The following VPS13B variants were observed in gnomAD, a reference collection of about 807,000 sequenced individuals.
The protein encoded by VPS13B is vacuolar protein sorting 13 homolog B.
Under a neutral mutation model 426.4 loss-of-function variants are expected in VPS13B, and 285 were observed. That is an observed-to-expected ratio of 0.67 (90% confidence interval 0.61 to 0.74). VPS13B has a LOEUF of 0.74. VPS13B is among the 30% of genes least tolerant of loss of function. VPS13B has a pLI of 0.00. For synonymous variants in VPS13B, 1,676 were observed against 1,676.4 expected (o/e 1.00, Z 0.01); for missense variants, 4,537 against 4,782.6 (o/e 0.95, Z 1.51).
intron 2 of VPS13B, among the ~76,000 whole-genome samples, chr8:99,034,819 C>T (rs989240951): frequency 2.6e-5 from 4 of 152,078 alleles, no homozygotes; most frequent in African/African-American, 9.7e-5. Context: ...ATTTGCCGAG[C>T]TCCTCATTCA....
intron 36 of VPS13B, among the ~76,000 whole-genome samples, chr8:99,712,064 T>C (rs1309196406): frequency 1.3e-5 from 2 of 152,322 alleles, no homozygotes; most frequent in Non-Finnish European, 2.9e-5. Context: ...AAGGGGAGAA[T>C]AGAAAACTGA....
intron 60 of VPS13B, chr8:99,871,185 CTAAT>C: frequency 1.6e-6 from 1 of 612,236 alleles, no homozygotes; most frequent in Non-Finnish European, 2.8e-6. Context: ...AACCAGCACT[CTAAT>C]TAGAGGTGCT....
chr8:99,187,433 A>G (rs893674291), intron 16 of VPS13B, among the ~76,000 whole-genome samples: 7 of 152,114 alleles, frequency 4.6e-5, no homozygotes, highest in East Asian at 1.9e-4. Context: ...TTATCCTTCT[A>G]TTTCTTTTGA....
intron 3 of VPS13B, among the ~76,000 whole-genome samples, chr8:99,054,839 TG>T (rs1843747283): frequency 6.6e-6 from 1 of 152,198 alleles, no homozygotes; most frequent in South Asian, 2.1e-4. Flanking sequence ...GTCTTTTCTT[TG>T]CCCACTGAAT....
Position 99,832,544 on chromosome 8 carries a change from C to T in VPS13B, c.9506C>T (p.Ala3169Val). The part of the protein sequence containing the change: ...IMLGFSPAPG[A>V]DSSQCWSLPA... Reference sequence around the variant, plus strand: ...CTGGGCTTTTCTCCTGCCCCAGGTGCTGACAGCTCACAGTGCTGGAGCCTG... The same window carrying T: ...CTGGGCTTTTCTCCTGCCCCAGGTGTTGACAGCTCACAGTGCTGGAGCCTG... The change falls in exon 52 of 62, where the codon GCT becomes GTT. Residue 3169 changes from alanine (A) to valine (V), a missense_variant. By Grantham distance (64) the Ala-to-Val change is moderately conservative. Around this residue, in one of 2 missense-constraint regions of VPS13B, gnomAD observed 4,311 missense variants for 4,474.3 expected, o/e 0.96. Coordinates refer to ENST00000357162, the MANE Select transcript of VPS13B (RefSeq NM_152564.5). 4.3e-6 allele frequency: 7 copies of T among 1,613,840 alleles called. No homozygotes were observed. Among genetic ancestry groups the T allele is most frequent in the Non-Finnish European group, 5.9e-6 (7 of 1,179,982 alleles).
chr8:99,111,797 C>T (rs1424145853), intron 6 of VPS13B, among the ~76,000 whole-genome samples: 3 of 151,988 alleles, frequency 2.0e-5, no homozygotes, highest in Non-Finnish European at 4.4e-5. Flanking sequence ...CAGGACATGT[C>T]TTTTTATTTT....
chr8:99,789,434 G>C (rs958587758), intron 43 of VPS13B, among the ~76,000 whole-genome samples: 3 of 152,072 alleles, frequency 2.0e-5, no homozygotes, highest in Non-Finnish European at 4.4e-5. Context: ...TGTTTAGAAA[G>C]GGCAAATGAA....
In VPS13B at chr8:99,313,543, G is replaced by A. The variant is rs189295648; in HGVS notation, c.2824+38289G>A. Among the ~76,000 whole-genome samples the A allele has an allele frequency of 5.5e-3, 837 of 152,234 alleles. 6 individuals are homozygous for A. The highest frequency in any genetic ancestry group is 6.5e-3 in the Non-Finnish European group (445 of 68,026). ...TTCCTCTGGAAGCTTCGTCTCAGAG[G>A]GGTAGCCGGCCCTGTGAGGTGTCAG... On this transcript the variant is annotated intron_variant, in intron 19 of 61. Coordinates refer to ENST00000357162, the MANE Select transcript of VPS13B (RefSeq NM_152564.5).
chr8:99,773,172 C>T (rs899838890), intron 40 of VPS13B, among the ~76,000 whole-genome samples: 3 of 152,120 alleles, frequency 2.0e-5, no homozygotes, highest in African/African-American at 7.2e-5. Flanking sequence ...TTACTGTACT[C>T]ATTTTATAAA....
In VPS13B at chr8:99,213,130, C is replaced by T. The variant is rs549490641; in HGVS notation, c.2515+20073C>T. On this transcript the variant is annotated intron_variant, in intron 17 of 61. Transcript: ENST00000357162. ...ACCCTGTTTTCAAAGCTCTTTAATTCTAGCTGGGTAATATGGCGTGTGTTT... is the reference window on the plus strand; with the variant it reads ...ACCCTGTTTTCAAAGCTCTTTAATTTTAGCTGGGTAATATGGCGTGTGTTT... Among the ~76,000 whole-genome samples, 15 of 152,200 alleles carry T rather than the reference C, an allele frequency of 9.9e-5. No individual in the cohort carries two copies. The South Asian group carries it at 1.2e-3, about 13-fold the overall frequency.
chr8:99,063,485 G>A (rs1844310177), intron 3 of VPS13B, among the ~76,000 whole-genome samples: 1 of 152,242 alleles, frequency 6.6e-6, no homozygotes, highest in African/African-American at 2.4e-5. Context: ...AGCAGTCTGA[G>A]ATCGACCTGC....
chr8:99,827,793 C>T (rs1814784947), intron 51 of VPS13B, among the ~76,000 whole-genome samples: 1 of 152,006 alleles, frequency 6.6e-6, no homozygotes, highest in African/African-American at 2.4e-5. Flanking sequence ...TCTTTTTTCT[C>T]ATTGGTTTCA....
At chr8:99,511,029 C>A in intron 28 of VPS13B, 75 bp from the exon 29 acceptor site, 1 of 1,530,390 alleles carries the variant, frequency 6.5e-7, no homozygotes, top group South Asian at 1.1e-5. Flanking sequence ...TCACTGAGGT[C>A]ATTTTCTTCT....
At chr8:99,121,976 C>A (rs1334900307) in intron 8 of VPS13B, among the ~76,000 whole-genome samples, 1 of 150,916 alleles carries the variant, frequency 6.6e-6, no homozygotes, top group East Asian at 1.9e-4. Context: ...TTCAGCCTCC[C>A]GAGCAGCTGG....
chr8:99,056,058 G>C (rs1229393111), intron 3 of VPS13B, among the ~76,000 whole-genome samples: 1 of 151,300 alleles, frequency 6.6e-6, no homozygotes, highest in Non-Finnish European at 1.5e-5. Context: ...GATCTTTTTT[G>C]TTTGTTTGTT....
intron 35 of VPS13B, among the ~76,000 whole-genome samples, chr8:99,673,572 C>T (rs1410335316): frequency 6.6e-6 from 1 of 151,628 alleles, no homozygotes; most frequent in Non-Finnish European, 1.5e-5. Context: ...CTGATCTTTT[C>T]TATTATTTTT....
At chr8:99,427,313 G>A (rs1245724790) in intron 21 of VPS13B, among the ~76,000 whole-genome samples, 1 of 118,054 alleles carries the variant, frequency 8.5e-6, no homozygotes, top group Admixed American at 9.3e-5. Flanking sequence ...TTTGGTTACT[G>A]TAGCCTTGTA....
At chr8:99,478,458 TTTTTTTTG>T (rs1819844886) in intron 24 of VPS13B, among the ~76,000 whole-genome samples, 2 of 133,298 alleles carry the variant, frequency 1.5e-5, no homozygotes, top group Admixed American at 8.1e-5. Flanking sequence ...TTTTTTTTTT[TTTTTTTTG>T]TTTTTTGTTT....
chr8:99,277,851 C>G (rs1257210629), intron 19 of VPS13B, among the ~76,000 whole-genome samples: 2 of 152,174 alleles, frequency 1.3e-5, no homozygotes, highest in African/African-American at 4.8e-5. Flanking sequence ...AGACCAATAC[C>G]TGGCACATAA....
Sources: gnomAD v4.1 joint callset for allele counts (sites outside exome capture counted in the v4.1 genomes callset) on GRCh38, gnomAD v4.1.1 for gene constraint, gnomAD v4.1.1 regional missense constraint, MANE v1.5 for transcripts, NCBI Gene and HGNC (gene_info 2026-07-23, HGNC 2026-07-21) for gene names.